Variants in CWC22 observed in about 807,000 individuals in gnomAD.
The protein encoded by CWC22 is CWC22 spliceosome associated protein, also known as pre-mRNA-splicing factor CWC22 homolog.
Under a neutral mutation model 117.2 loss-of-function variants are expected in CWC22, and 53 were observed. The ratio of observed to expected loss-of-function variants is 0.45; its 90% CI spans 0.36 to 0.57. The LOEUF is 0.57. Ranked by LOEUF, CWC22 falls within the 20% of genes least tolerant of loss-of-function variation. The pLI is 0.00. For missense variants in CWC22, 980 were observed against 1,068.8 expected, an observed-to-expected ratio of 0.92 and a Z score of 1.16; for synonymous variants, 360 against 355.6, an observed-to-expected ratio of 1.01 and a Z score of -0.14.
chr2:179,971,084 A>C lies in CWC22; in HGVS notation c.805-8T>G. On this transcript the variant is annotated splice_region_variant and splice_polypyrimidine_tract_variant and intron_variant, in intron 8 of 19. Coordinates refer to ENST00000410053, the MANE Select transcript of CWC22 (RefSeq NM_020943.3). ...GCATAATACTTCGTGTGCCTTAAAT[A>C]AAATACATATACAAGGAAGAAACAA... 7 of 1,528,490 alleles carry C rather than the reference A, an allele frequency of 4.6e-6. No individual in the cohort carries two copies. Among genetic ancestry groups the C allele is most frequent in the Non-Finnish European group, 6.2e-6 (7 of 1,135,582 alleles). 94.7% of individuals were successfully genotyped at this position (1,528,490 alleles called of 1,614,324 possible). A position where few individuals can be genotyped will look rare whatever the true frequency, so the allele number is the denominator to read the frequency against.
At chr2:179,946,748 G>GAAC (rs1187591041) in intron 19 of CWC22, among the ~76,000 whole-genome samples, 1 of 152,154 alleles carries the variant, frequency 6.6e-6, no homozygotes, top group East Asian at 1.9e-4. Context: ...AGGAGGAGTA[G>GAAC]AACAACTGGG....
chr2:180,002,542 A>T (rs1687872476), intron 1 of CWC22, among the ~76,000 whole-genome samples: 1 of 152,248 alleles, frequency 6.6e-6, no homozygotes, highest in African/African-American at 2.4e-5. Context: ...GAAAAAGTAC[A>T]GTCATGGTCT....
At chr2:179,984,575 G>A (rs954050865) in intron 4 of CWC22, among the ~76,000 whole-genome samples, 24 of 151,930 alleles carry the variant, frequency 1.6e-4, no homozygotes, top group African/African-American at 5.8e-4. Flanking sequence ...TAGTAAAGGG[G>A]TGGATAATAT....
At chr2:179,960,267 A>G (rs1686718266) in intron 13 of CWC22, among the ~76,000 whole-genome samples, 2 of 152,002 alleles carry the variant, frequency 1.3e-5, no homozygotes, top group Non-Finnish European at 1.5e-5. Flanking sequence ...AATCTGGGTA[A>G]TCAGGTCCAG....
In CWC22 at chr2:179,970,770, G is replaced by A. The variant is rs969912749; in HGVS notation, c.1027C>T (p.Arg343Trp). Reference sequence around the variant, plus strand: ...GGGTGGTCCTTGAATCCATCTTTCCGTACAGCAAACATCACTTCAATCATA... The same window carrying A: ...GGGTGGTCCTTGAATCCATCTTTCCATACAGCAAACATCACTTCAATCATA... The part of the protein sequence containing the change: ...QYMIEVMFAV[R>W]KDGFKDHPII... The change falls in exon 10 of 20, where the codon CGG (arginine) becomes TGG (tryptophan). Residue 343 changes from arginine to tryptophan, a missense_variant. Arg to Trp is a moderately radical substitution (Grantham distance 101). Transcript: ENST00000410053. The A allele has an allele frequency of 3.7e-5, 59 of 1,613,426 alleles. No individual in the cohort carries two copies. The highest frequency in any genetic ancestry group is 1.6e-4 in the Middle Eastern group (1 of 6,080).
In CWC22 at chr2:179,954,143, C is replaced by T. The variant is rs138919404; in HGVS notation, c.1689+62G>A. 306 of 1,327,444 alleles carry T rather than the reference C, an allele frequency of 2.3e-4. 1 individual carries two copies. In the African/African-American group the frequency reaches 3.1e-3, roughly 13 times the overall value. 82.2% of individuals were successfully genotyped at this position (1,327,444 alleles called of 1,614,324 possible). A position where few individuals can be genotyped will look rare whatever the true frequency, so the allele number is the denominator to read the frequency against. ...ATAGGATAAATATGGCTAGCTTATA[C>T]GAAAATCTATTTGAGAACAGGGAAT... On this transcript the variant is annotated intron_variant, in intron 16 of 19. Coordinates refer to ENST00000410053, the MANE Select transcript of CWC22 (RefSeq NM_020943.3).
At chr2:179,957,138 T>C (rs1055568253) in intron 14 of CWC22, among the ~76,000 whole-genome samples, 2 of 152,160 alleles carry the variant, frequency 1.3e-5, no homozygotes, top group African/African-American at 4.8e-5. Flanking sequence ...TCAAATAACA[T>C]GACAAGATCA....
chr2:179,981,830 A>G lies in CWC22; in HGVS notation c.374T>C (p.Leu125Pro). Reference sequence around the variant, plus strand: ...ATATGCTCCACCAGTGCGAGTAAGAAGAGGATCCAGCTCATCTTTCTTTTT... The same window carrying G: ...ATATGCTCCACCAGTGCGAGTAAGAGGAGGATCCAGCTCATCTTTCTTTTT... ...TKKKKDELDP[L>P]LTRTGGAYIP... The change falls in exon 5 of 20, where the codon CTT (leucine) becomes CCT (proline). Residue 125 changes from leucine to proline, a missense_variant. This residue lies in a region of CWC22 where 559 missense variants were observed against 602.3 expected (regional missense o/e 0.93). Coordinates refer to ENST00000410053, the MANE Select transcript of CWC22 (RefSeq NM_020943.3). The G allele has an allele frequency of 6.2e-7, 1 of 1,613,884 alleles. No individual in the cohort carries two copies. Among genetic ancestry groups the G allele is most frequent in the Non-Finnish European group, 8.5e-7 (1 of 1,179,824 alleles).
chr2:179,981,814 A>G lies in CWC22; in HGVS notation c.390T>C (p.Gly130=), dbSNP rs1287068473. The change falls in exon 5 of 20, where the codon GGT becomes GGC. Residue 130 remains glycine, a synonymous_variant. Coordinates refer to ENST00000410053, the MANE Select transcript of CWC22 (RefSeq NM_020943.3). ...GCTTTGCAGGGGGAATATATGCTCCACCAGTGCGAGTAAGAAGAGGATCCA... is the reference window on the plus strand; with the variant it reads ...GCTTTGCAGGGGGAATATATGCTCCGCCAGTGCGAGTAAGAAGAGGATCCA... ...DELDPLLTRT[G]GAYIPPAKLR... The G allele has an allele frequency of 6.2e-7, 1 of 1,613,944 alleles. No individual in the cohort carries two copies. Among genetic ancestry groups the G allele is most frequent in the Non-Finnish European group, 8.5e-7 (1 of 1,179,862 alleles).
At chr2:179,993,210 C>T in intron 2 of CWC22, 105 bp downstream of exon 2, 1 of 868,112 alleles carries the variant, frequency 1.2e-6, no homozygotes. Flanking sequence ...AAGTGCCATT[C>T]TACTGTCTGG....
intron 2 of CWC22, among the ~76,000 whole-genome samples, chr2:179,990,577 AG>A (rs1687539024): frequency 6.8e-6 from 1 of 147,634 alleles, no homozygotes; most frequent in African/African-American, 2.5e-5. Context: ...AGAGAGAGAG[AG>A]AAAGAAGAAG....
At chr2:179,988,864 T>C (rs368837050) in intron 2 of CWC22, among the ~76,000 whole-genome samples, 3 of 152,118 alleles carry the variant, frequency 2.0e-5, no homozygotes, top group African/African-American at 7.2e-5. Flanking sequence ...CTGTTTTCAT[T>C]ATGGACCAAA....
At chr2:179,960,748 T>C (rs1220653345) in intron 13 of CWC22, among the ~76,000 whole-genome samples, 1 of 151,984 alleles carries the variant, frequency 6.6e-6, no homozygotes, top group Non-Finnish European at 1.5e-5. Flanking sequence ...TCTCACCCAA[T>C]ATTGCATAAG....
chr2:179,947,526 A>T, intron 19 of CWC22, among the ~76,000 whole-genome samples: 1 of 152,264 alleles, frequency 6.6e-6, no homozygotes, highest in East Asian at 1.9e-4. Context: ...TACTGAAATT[A>T]TATGAGAAGG....
intron 8 of CWC22, among the ~76,000 whole-genome samples, chr2:179,972,831 C>T (rs1479814978): frequency 6.6e-6 from 1 of 151,758 alleles, no homozygotes; most frequent in African/African-American, 2.4e-5. Context: ...CATGGTGAAA[C>T]CCCGTCTCTA....
intron 1 of CWC22, among the ~76,000 whole-genome samples, chr2:180,000,342 G>C (rs1013233229): frequency 6.6e-5 from 10 of 152,152 alleles, no homozygotes; most frequent in African/African-American, 2.4e-4. Flanking sequence ...AAAATACAAA[G>C]ATTATTCTTA....
At chr2:179,973,525 A>T in intron 7 of CWC22, 109 bp downstream of exon 7, 2 of 750,338 alleles carry the variant, frequency 2.7e-6, no homozygotes, top group Non-Finnish European at 4.3e-6. Context: ...GTTTTTAAAA[A>T]GCATTATGTT....
intron 5 of CWC22, among the ~76,000 whole-genome samples, chr2:179,981,154 G>A (rs1008756753): frequency 1.3e-5 from 2 of 152,160 alleles, no homozygotes; most frequent in Admixed American, 6.5e-5. Flanking sequence ...ACAGAGGTTG[G>A]CAAACTACAC....
At chr2:179,995,093 G>C (rs946322175) in intron 1 of CWC22, among the ~76,000 whole-genome samples, 1 of 152,168 alleles carries the variant, frequency 6.6e-6, no homozygotes, top group South Asian at 2.1e-4. Flanking sequence ...ACTCCAGCCT[G>C]GGCAACAGAG....
Sources: allele counts gnomAD v4.1 joint callset (sites outside exome capture counted in the v4.1 genomes callset), GRCh38; gene constraint gnomAD v4.1.1; regional missense constraint gnomAD v4.1.1; transcripts MANE v1.5; gene names NCBI Gene and HGNC (gene_info 2026-07-23, HGNC 2026-07-21).